Variants in TTC28 observed in about 807,000 individuals in gnomAD.
TTC28 encodes the protein tetratricopeptide repeat domain 28.
A neutral mutation model predicts 198.0 loss-of-function variants in TTC28; 61 were observed. The observed-to-expected ratio is 0.31, with a 90% CI of 0.25 to 0.38. The LOEUF is 0.38. Among genes scored for constraint, TTC28 ranks in the 10% least tolerant of loss-of-function variants. TTC28 has a pLI of 1.00. For synonymous variants in TTC28, 1,171 were observed against 1,297.8 expected (o/e 0.90, Z 2.10); for missense variants, 2,678 against 3,164.0 (o/e 0.85, Z 3.69).
At position 27,998,615 on chromosome 22, in the gene TTC28, C is replaced by G; in HGVS notation, c.5044G>C (p.Ala1682Pro). The change falls in exon 16 of 23, where the codon GCC becomes CCC. Residue 1682 changes from alanine to proline, a missense_variant. Ala to Pro is a conservative substitution (Grantham distance 27). This residue lies in a region of TTC28 where 314 missense variants were observed against 442.7 expected (regional missense o/e 0.71). Transcript: ENST00000397906. ...ATGGCCTCCCCCAGGGCGGCGCTGGCTTTCAGGCCGTTCAGCAGGGATGAG... is the reference window on the plus strand; with the variant it reads ...ATGGCCTCCCCCAGGGCGGCGCTGGGTTTCAGGCCGTTCAGCAGGGATGAG... ...FYSSLLNGLK[A>P]SAALGEAMKV... 6.4e-7 allele frequency: 1 copy of G among 1,550,834 alleles called. No homozygotes were observed. Among genetic ancestry groups the G allele is most frequent in the African/African-American group, 1.4e-5 (1 of 73,182 alleles).
At chr22:28,326,440 T>C (rs1022727910) in intron 2 of TTC28, among the ~76,000 whole-genome samples, 3 of 152,102 alleles carry the variant, frequency 2.0e-5, no homozygotes, top group Admixed American at 1.3e-4. Context: ...TTTGAGTAAA[T>C]AGTGGTAACG....
chr22:28,483,770 A>G (rs529043544), intron 2 of TTC28, among the ~76,000 whole-genome samples: 2 of 152,316 alleles, frequency 1.3e-5, no homozygotes, highest in African/African-American at 4.8e-5. Flanking sequence ...TAACCAGCAA[A>G]TCATAAATAG....
chr22:28,527,349 C>T (rs2049022712), intron 2 of TTC28, among the ~76,000 whole-genome samples: 1 of 152,186 alleles, frequency 6.6e-6, no homozygotes, highest in African/African-American at 2.4e-5. Flanking sequence ...CCACATACTC[C>T]AGGCTTCCTG....
In TTC28 at chr22:28,200,622, A is replaced by G. The variant is rs557769042; in HGVS notation, c.934-37023T>C. Among the ~76,000 whole-genome samples the G allele has an allele frequency of 9.3e-4, 141 of 152,264 alleles. 1 individual carries two copies. The highest frequency in any genetic ancestry group is 3.2e-3 in the African/African-American group (134 of 41,566). On this transcript the variant is annotated intron_variant, in intron 5 of 22. Transcript: ENST00000397906. ...AACTGGGGTTTAGAATCGGAGGGCT[A>G]GATAGATAGCTCCACTGAGAACATA...
At chr22:28,056,869 C>A (rs1601569178) in intron 12 of TTC28, among the ~76,000 whole-genome samples, 1 of 152,184 alleles carries the variant, frequency 6.6e-6, no homozygotes. Context: ...TGTTCTAGAA[C>A]TTCACATAAA....
At chr22:28,257,192 A>C (rs1930987135) in intron 5 of TTC28, among the ~76,000 whole-genome samples, 1 of 152,186 alleles carries the variant, frequency 6.6e-6, no homozygotes, top group Admixed American at 6.5e-5. Context: ...CAGAGTATGG[A>C]AATTCCTCAA....
chr22:28,219,402 G>C (rs571658569), intron 5 of TTC28, among the ~76,000 whole-genome samples: 1 of 152,026 alleles, frequency 6.6e-6, no homozygotes, highest in South Asian at 2.1e-4. Context: ...CCAGCTACTC[G>C]GGAGGCTGAG....
intron 12 of TTC28, among the ~76,000 whole-genome samples, chr22:28,072,822 A>T (rs1941043132): frequency 6.6e-6 from 1 of 152,226 alleles, no homozygotes; most frequent in South Asian, 2.1e-4. Context: ...TTACACCAGG[A>T]GATAGAGTGG....
chr22:28,121,120 T>C (rs1942775868), intron 6 of TTC28, among the ~76,000 whole-genome samples: 1 of 152,206 alleles, frequency 6.6e-6, no homozygotes, highest in Admixed American at 6.5e-5. Context: ...TGAGGCTGGC[T>C]CACTTATGCA....
Position 28,293,773 on chromosome 22 carries a change from A to T in TTC28, c.933+2425T>A, listed in dbSNP as rs1601591223. On this transcript the variant is annotated intron_variant, in intron 5 of 22. Coordinates refer to ENST00000397906, the MANE Select transcript of TTC28 (RefSeq NM_001145418.2). ...ACTTTATAATTCCAGAAGCAAACAC[A>T]ATAGAAGAAACACAGTAGGAAAAGG... Among the ~76,000 whole-genome samples the T allele has an allele frequency of 2.6e-5, 4 of 152,182 alleles. No homozygotes were observed. In the East Asian group the frequency reaches 7.7e-4, roughly 29 times the overall value.
chr22:28,255,872 A>C (rs1930873309), intron 5 of TTC28, among the ~76,000 whole-genome samples: 1 of 152,050 alleles, frequency 6.6e-6, no homozygotes, highest in Non-Finnish European at 1.5e-5. Context: ...CTTCTAAATG[A>C]CTATTTTTGG....
rs191300886 is a variant in TTC28, at chr22:28,395,609, C to T, written c.382-88966G>A. ...CAGCCTGGGCGACAGAGCAAGAGTC[C>T]GTCTCAAAAAAAAAAACCAAACAAA... is the stretch of plus-strand genomic sequence containing the variant. On this transcript the variant is annotated intron_variant, in intron 2 of 22. Coordinates refer to ENST00000397906, the MANE Select transcript of TTC28 (RefSeq NM_001145418.2). 3.9e-3 allele frequency among the ~76,000 whole-genome samples: 507 copies of T among 128,576 alleles called. 5 individuals are homozygous for T. The highest frequency in any genetic ancestry group is 0.014 in the African/African-American group (463 of 32,376). The allele number at this position is 128,576 out of a possible 152,430, so 84.4% of individuals were successfully genotyped here. A position where few individuals can be genotyped will look rare whatever the true frequency, so the allele number is the denominator to read the frequency against.
chr22:28,654,459 C>T (rs917231225), intron 1 of TTC28, among the ~76,000 whole-genome samples: 1 of 152,162 alleles, frequency 6.6e-6, no homozygotes, highest in Non-Finnish European at 1.5e-5. Context: ...TCCCAAGTAT[C>T]CGGGATTACA....
chr22:28,500,966 A>G (rs1249541010), intron 2 of TTC28, among the ~76,000 whole-genome samples: 1 of 152,184 alleles, frequency 6.6e-6, no homozygotes, highest in African/African-American at 2.4e-5. Context: ...GCAAAACAGG[A>G]CATCTAATTT....
chr22:28,601,119 A>G (rs2050633037), intron 2 of TTC28, among the ~76,000 whole-genome samples: 1 of 152,208 alleles, frequency 6.6e-6, no homozygotes, highest in Admixed American at 6.5e-5. Context: ...GAATTATAAT[A>G]AACGTGTTTA....
At chr22:28,261,356 C>G (rs1931304764) in intron 5 of TTC28, among the ~76,000 whole-genome samples, 1 of 152,074 alleles carries the variant, frequency 6.6e-6, no homozygotes, top group Admixed American at 6.6e-5. Flanking sequence ...GGGAAAATAT[C>G]AGCAACAGGG....
At chr22:28,055,836 C>T (rs905145905) in intron 12 of TTC28, among the ~76,000 whole-genome samples, 1 of 152,148 alleles carries the variant, frequency 6.6e-6, no homozygotes, top group African/African-American at 2.4e-5. Context: ...CTCATACCGT[C>T]ACCCCTAGGC....
At position 28,507,204 on chromosome 22, in the gene TTC28, G is replaced by A. The variant is rs138976578; in HGVS notation, c.381+122348C>T. Among the ~76,000 whole-genome samples the A allele has an allele frequency of 3.2e-3, 486 of 152,282 alleles. 2 individuals carry two copies. Among genetic ancestry groups the A allele is most frequent in the Non-Finnish European group, 5.1e-3 (344 of 68,016 alleles). On this transcript the variant is annotated intron_variant, in intron 2 of 22. Transcript: ENST00000397906. Reference sequence around the variant, plus strand: ...TGATAGCCAGAATAGCCAGTTTAGAGAGAAACATAACCAACCTGATGGAGT... The same window carrying A: ...TGATAGCCAGAATAGCCAGTTTAGAAAGAAACATAACCAACCTGATGGAGT...
In TTC28 at chr22:27,991,649, C is replaced by G. The variant is rs548488279; in HGVS notation, c.5554-837G>C. Among the ~76,000 whole-genome samples, 49 of 152,296 alleles carry G rather than the reference C, an allele frequency of 3.2e-4. 2 individuals are homozygous for G. In the South Asian group the frequency reaches 1.0e-2, roughly 31 times the overall value. On this transcript the variant is annotated intron_variant, in intron 19 of 22. Transcript: ENST00000397906. ...TATTACTTTTTCAAATTGTTACACT[C>G]CAAAATGGCCAGAAAAGCAACTCTG...
Sources: allele counts gnomAD v4.1 joint callset (sites outside exome capture counted in the v4.1 genomes callset), GRCh38; gene constraint gnomAD v4.1.1; regional missense constraint gnomAD v4.1.1; transcripts MANE v1.5; gene names NCBI Gene and HGNC (gene_info 2026-07-23, HGNC 2026-07-21).